Variants in FLRT2 observed in about 807,000 individuals in gnomAD.
FLRT2 encodes leucine-rich repeat transmembrane protein FLRT2.
FLRT2 carries 15 observed loss-of-function variants against 40.0 expected under a neutral mutation model. That is an observed-to-expected ratio of 0.38 (90% CI 0.25 to 0.58). FLRT2 has a LOEUF of 0.58. Ranked by LOEUF, FLRT2 falls within the 20% of genes least tolerant of loss-of-function variation. The pLI is 0.71. For synonymous variants in FLRT2, 380 were observed against 336.8 expected (o/e 1.13, Z -1.41); for missense variants, 726 against 840.0 (o/e 0.86, Z 1.68).
At chr14:85,591,064 A>G (rs1447073786) in intron 1 of FLRT2, among the ~76,000 whole-genome samples, 3 of 152,194 alleles carry the variant, frequency 2.0e-5, no homozygotes, top group Non-Finnish European at 4.4e-5. Context: ...CTTCTACTGT[A>G]ATACTTTTAC....
rs568636883 is a variant in FLRT2 at position 85,607,513 on chromosome 14, G to A, written c.-376-13626G>A. Among the ~76,000 whole-genome samples, 9 of 152,302 alleles carry A rather than the reference G, an allele frequency of 5.9e-5. No individual in the cohort carries two copies. The East Asian group carries it at 7.7e-4, about 13-fold the overall frequency. Reference sequence around the variant, plus strand: ...TCAGTGGATTCTTGCAACAGCTAGGGGTGGGATCACAGCACCAGGGAAAAG... The same window carrying A: ...TCAGTGGATTCTTGCAACAGCTAGGAGTGGGATCACAGCACCAGGGAAAAG... On this transcript the variant is annotated intron_variant, in intron 1 of 1. Coordinates refer to ENST00000330753, the MANE Select transcript of FLRT2 (RefSeq NM_013231.6).
chr14:85,533,003 C>T (rs2139793238), intron 1 of FLRT2, among the ~76,000 whole-genome samples: 1 of 152,276 alleles, frequency 6.6e-6, no homozygotes, highest in Middle Eastern at 3.4e-3. Context: ...TGGCATCTGC[C>T]GGGTTAGCCA....
At chr14:85,556,564 T>C (rs1420522996) in intron 1 of FLRT2, among the ~76,000 whole-genome samples, 1 of 152,186 alleles carries the variant, frequency 6.6e-6, no homozygotes, top group Non-Finnish European at 1.5e-5. Flanking sequence ...CTAAGCTGGT[T>C]GTGGAGGCAG....
Position 85,641,224 on chromosome 14 carries a change from C to T in FLRT2, c.*17727C>T, listed in dbSNP as rs939894586. 6.6e-6 allele frequency: 1 copy of T among 152,138 alleles called. No homozygotes were observed. 9.4% of individuals were successfully genotyped at this position (152,138 alleles called of 1,614,324 possible). A position where few individuals can be genotyped will look rare whatever the true frequency, so the allele number is the denominator to read the frequency against. On this transcript the variant is annotated 3_prime_UTR_variant, in exon 2 of 2. Transcript: ENST00000330753. ...GAAAGCTGTGACAGTCAGCTTTTTC[C>T]CTGGATATGGCTTATTGGTATTCAT...
chr14:85,622,183 G>T lies in FLRT2; in HGVS notation c.669G>T (p.Glu223Asp), dbSNP rs1566762553. Residue 223 changes from glutamate (E) to aspartate (D), a missense_variant, in exon 2 of 2, where the codon GAG becomes GAT. Around this residue, in one of 3 missense-constraint regions of FLRT2, gnomAD observed 611 missense variants for 690.0 expected, o/e 0.89. Transcript: ENST00000330753. Reference sequence around the variant, plus strand: ...TCCTGACCAACAAGGGTATCGCCGAGGGCACCTTCAGCCATCTCACCAAGC... The same window carrying T: ...TCCTGACCAACAAGGGTATCGCCGATGGCACCTTCAGCCATCTCACCAAGC... ...GNLLTNKGIA[E>D]GTFSHLTKLK... 1.2e-6 allele frequency: 2 copies of T among 1,614,066 alleles called. No homozygotes were observed. The highest frequency in any genetic ancestry group is 3.3e-5 in the Admixed American group (2 of 60,024).
At chr14:85,543,624 G>A (rs553556971) in intron 1 of FLRT2, among the ~76,000 whole-genome samples, 22 of 152,018 alleles carry the variant, frequency 1.4e-4, no homozygotes, top group African/African-American at 4.8e-4. Flanking sequence ...CGCAAGATCC[G>A]TGACAATCTA....
chr14:85,568,214 G>C (rs982273401), intron 1 of FLRT2, among the ~76,000 whole-genome samples: 2 of 151,706 alleles, frequency 1.3e-5, no homozygotes, highest in African/African-American at 4.8e-5. Context: ...GCTGATCTGC[G>C]GGGGGATGAT....
rs1890707399 is a variant in FLRT2, at chr14:85,567,946, A to AT, written c.-377+37419dup. 6.6e-5 allele frequency among the ~76,000 whole-genome samples: 10 copies of AT among 151,662 alleles called. 1 individual carries two copies. In the South Asian group the frequency reaches 1.9e-3, roughly 29 times the overall value. On this transcript the variant is annotated intron_variant, in intron 1 of 1. Coordinates refer to ENST00000330753, the MANE Select transcript of FLRT2 (RefSeq NM_013231.6). ...AGCCACCGCGCAAGGCCTGATTTTTATTTTTTTCTATAGAGATCAGGGGAA... is the reference window on the plus strand; with the variant it reads ...AGCCACCGCGCAAGGCCTGATTTTTATTTTTTTTCTATAGAGATCAGGGGAA...
chr14:85,584,587 A>C (rs1007851650), intron 1 of FLRT2, among the ~76,000 whole-genome samples: 3 of 152,180 alleles, frequency 2.0e-5, no homozygotes, highest in African/African-American at 7.2e-5. Flanking sequence ...GAGGACAGAC[A>C]TCCTTCTCTG....
At chr14:85,570,029 A>G (rs1356286219) in intron 1 of FLRT2, among the ~76,000 whole-genome samples, 1 of 152,236 alleles carries the variant, frequency 6.6e-6, no homozygotes, top group Non-Finnish European at 1.5e-5. Context: ...AATCAAAAAC[A>G]GAAAGTGACA....
chr14:85,545,303 T>C (rs1051820218), intron 1 of FLRT2, among the ~76,000 whole-genome samples: 1 of 152,220 alleles, frequency 6.6e-6, no homozygotes, highest in African/African-American at 2.4e-5. Context: ...CTAAACCTTG[T>C]ACAGTAGGTT....
intron 1 of FLRT2, among the ~76,000 whole-genome samples, chr14:85,591,311 A>G (rs1056023236): frequency 1.3e-5 from 2 of 152,196 alleles, no homozygotes; most frequent in African/African-American, 4.8e-5. Flanking sequence ...TCTCAGGGAT[A>G]GGCCCTTTCT....
chr14:85,568,172 G>C (rs929593538), intron 1 of FLRT2, among the ~76,000 whole-genome samples: 5 of 151,760 alleles, frequency 3.3e-5, no homozygotes, highest in African/African-American at 1.2e-4. Context: ...TAGGGAAGTA[G>C]GGGTAGGCAT....
At chr14:85,539,351 T>A (rs962287622) in intron 1 of FLRT2, among the ~76,000 whole-genome samples, 1 of 145,336 alleles carries the variant, frequency 6.9e-6, no homozygotes, top group Non-Finnish European at 1.5e-5. Flanking sequence ...CCCAAAATGA[T>A]GAGAGTTGTT....
At chr14:85,547,894 G>A (rs558571111) in intron 1 of FLRT2, among the ~76,000 whole-genome samples, 2 of 152,264 alleles carry the variant, frequency 1.3e-5, no homozygotes, top group African/African-American at 4.8e-5. Context: ...CAGGGAGGGG[G>A]CTTTCAGATC....
chr14:85,630,285 C>CTTTTTTTTTTTTTTTTTTTTTT lies in FLRT2; in HGVS notation c.*6789_*6810dup, dbSNP rs781639291. 2 of 93,456 alleles carry CTTTTTTTTTTTTTTTTTTTTTT rather than the reference C, an allele frequency of 2.1e-5. 1 individual carries two copies. 5.8% of individuals were successfully genotyped at this position (93,456 alleles called of 1,614,324 possible). ...CATACCAATGGGTGATCATATCTGTCTTTTTTTTTTTTTTTTTTTTTTGGT... is the reference window on the plus strand; with the variant it reads ...CATACCAATGGGTGATCATATCTGTCTTTTTTTTTTTTTTTTTTTTTTTTTTTTTTTTTTTTTTTTTTTTGGT... On this transcript the variant is annotated 3_prime_UTR_variant, in exon 2 of 2. Transcript: ENST00000330753.
At chr14:85,553,672 G>A (rs1889780889) in intron 1 of FLRT2, among the ~76,000 whole-genome samples, 1 of 152,036 alleles carries the variant, frequency 6.6e-6, no homozygotes, top group African/African-American at 2.4e-5. Context: ...AAATATTTGT[G>A]GAAGGAAAGG....
chr14:85,596,404 A>G (rs941377731), intron 1 of FLRT2, among the ~76,000 whole-genome samples: 12 of 152,206 alleles, frequency 7.9e-5, no homozygotes, highest in Non-Finnish European at 1.8e-4. Context: ...CTTTCTGAGG[A>G]GCTCCAGCAC....
chr14:85,534,190 C>T (rs2139796703), intron 1 of FLRT2, among the ~76,000 whole-genome samples: 1 of 152,284 alleles, frequency 6.6e-6, no homozygotes, highest in African/African-American at 2.4e-5. Context: ...CAAATTCCCC[C>T]AGGAGTGGGT....
Sources: allele counts gnomAD v4.1 joint callset (sites outside exome capture counted in the v4.1 genomes callset), GRCh38; gene constraint gnomAD v4.1.1; regional missense constraint gnomAD v4.1.1; transcripts MANE v1.5; gene names NCBI Gene and HGNC (gene_info 2026-07-23, HGNC 2026-07-21).